The following PARD3 variants were observed in gnomAD, a reference collection of about 807,000 sequenced individuals.
PARD3 encodes the protein par-3 family cell polarity regulator, also known as partitioning defective 3 homolog.
PARD3 carries 75 observed loss-of-function variants against 155.4 expected under a neutral mutation model. The ratio of observed to expected loss-of-function variants is 0.48; its 90% CI spans 0.40 to 0.58. The LOEUF is 0.58. Among genes scored for constraint, PARD3 ranks in the 20% least tolerant of loss-of-function variants. The pLI, the probability that PARD3 is intolerant of heterozygous loss-of-function variation, is 0.00. For synonymous variants in PARD3, 576 were observed against 610.5 expected, an observed-to-expected ratio of 0.94 and a Z score of 0.83; for missense variants, 1,642 against 1,721.7, an observed-to-expected ratio of 0.95 and a Z score of 0.82.
chr10:34,468,139 T>G (rs1002048096), intron 4 of PARD3, among the ~76,000 whole-genome samples: 1 of 152,152 alleles, frequency 6.6e-6, no homozygotes, highest in Non-Finnish European at 1.5e-5. Flanking sequence ...CAGCACCTCC[T>G]TCACCACGAA....
At chr10:34,112,430 G>A (rs907762089) in intron 24 of PARD3, among the ~76,000 whole-genome samples, 1 of 152,104 alleles carries the variant, frequency 6.6e-6, no homozygotes, top group Non-Finnish European at 1.5e-5. Flanking sequence ...TCTCTAGATG[G>A]TTTTATGAAT....
At chr10:34,398,884 TA>T (rs951460003) in intron 7 of PARD3, among the ~76,000 whole-genome samples, 16 of 152,182 alleles carry the variant, frequency 1.1e-4, no homozygotes, top group African/African-American at 2.9e-4. Flanking sequence ...TTTTTAACAA[TA>T]AAAAAACTCA....
chr10:34,625,976 A>G (rs752174467), intron 2 of PARD3, among the ~76,000 whole-genome samples: 4 of 152,216 alleles, frequency 2.6e-5, no homozygotes, highest in Non-Finnish European at 4.4e-5. Context: ...CAGGTTCTTA[A>G]GTCTAACTCA....
chr10:34,422,752 A>G (rs1217862215), intron 5 of PARD3, among the ~76,000 whole-genome samples: 5 of 152,230 alleles, frequency 3.3e-5, no homozygotes, highest in African/African-American at 1.2e-4. Flanking sequence ...TCCACCTGTT[A>G]CAATGGCTAC....
At chr10:34,127,794 T>C (rs533150694) in intron 23 of PARD3, among the ~76,000 whole-genome samples, 27 of 152,246 alleles carry the variant, frequency 1.8e-4, no homozygotes, top group African/African-American at 2.9e-4. Flanking sequence ...CTTGACACCA[T>C]GCTCATTACT....
intron 2 of PARD3, among the ~76,000 whole-genome samples, chr10:34,649,081 T>C (rs767491358): frequency 2.0e-5 from 3 of 152,168 alleles, no homozygotes; most frequent in Admixed American, 6.5e-5. Context: ...ACTGTACAAG[T>C]AGCCAGTAAA....
At chr10:34,451,153 C>T (rs1482557977) in intron 4 of PARD3, among the ~76,000 whole-genome samples, 1 of 152,132 alleles carries the variant, frequency 6.6e-6, no homozygotes. Context: ...CCAAATGCTA[C>T]GTGATATTTC....
intron 19 of PARD3, among the ~76,000 whole-genome samples, chr10:34,320,091 G>T (rs1436558361): frequency 6.6e-6 from 1 of 152,108 alleles, no homozygotes; most frequent in Non-Finnish European, 1.5e-5. Context: ...AAGACTGTGG[G>T]GCAAACAGCA....
intron 22 of PARD3, among the ~76,000 whole-genome samples, chr10:34,156,812 T>A (rs111731118): frequency 7.2e-4 from 77 of 106,590 alleles, no homozygotes; most frequent in Non-Finnish European, 1.2e-3. Context: ...ATTCCTTGTA[T>A]CTTTGGTTTA....
At chr10:34,366,905 T>C (rs1305455712) in intron 12 of PARD3, among the ~76,000 whole-genome samples, 3 of 152,218 alleles carry the variant, frequency 2.0e-5, no homozygotes, top group African/African-American at 7.2e-5. Flanking sequence ...GTTGATATTA[T>C]AAAGTTCATT....
At chr10:34,355,924 C>CAAAAAAAAAAAAAAAAAAAAAAAAAAAAA (rs869284165) in intron 14 of PARD3, among the ~76,000 whole-genome samples, 4 of 42,724 alleles carry the variant, frequency 9.4e-5, no homozygotes, top group Non-Finnish European at 1.7e-4. Context: ...CACTCCGTCT[C>CAAAAAAAAAAAAAAAAAAAAAAAAAAAAA]AAAAAAAAAA....
chr10:34,397,748 T>C (rs547464851), intron 7 of PARD3, among the ~76,000 whole-genome samples: 1 of 152,356 alleles, frequency 6.6e-6, no homozygotes, highest in South Asian at 2.1e-4. Context: ...TAGTAACATG[T>C]AATTGAAATG....
At chr10:34,570,496 T>C (rs2086304442) in intron 2 of PARD3, among the ~76,000 whole-genome samples, 1 of 152,190 alleles carries the variant, frequency 6.6e-6, no homozygotes, top group Non-Finnish European at 1.5e-5. Flanking sequence ...TTTACCCTAA[T>C]GCTGCAGTGA....
intron 1 of PARD3, among the ~76,000 whole-genome samples, chr10:34,732,355 T>C (rs979332469): frequency 2.6e-5 from 4 of 152,126 alleles, no homozygotes; most frequent in African/African-American, 7.2e-5. Context: ...CCCCCACCCA[T>C]ACAAATTGTC....
Position 34,517,172 on chromosome 10 carries a change from G to A in PARD3, c.223-13C>T. ...ACACTGCTACCAGCTAGAAATGAAA[G>A]GTAAATGTGCACTTATAAATAAAGG... On this transcript the variant is annotated splice_polypyrimidine_tract_variant and intron_variant, in intron 2 of 24. Coordinates refer to ENST00000374788, the MANE Select transcript of PARD3 (RefSeq NM_001184785.2). 6.2e-7 allele frequency: 1 copy of A among 1,610,212 alleles called. No individual in the cohort carries two copies. The highest frequency in any genetic ancestry group is 8.5e-7 in the Non-Finnish European group (1 of 1,177,920).
intron 2 of PARD3, among the ~76,000 whole-genome samples, chr10:34,602,330 A>C (rs2089859351): frequency 6.6e-6 from 1 of 152,226 alleles, no homozygotes; most frequent in South Asian, 2.1e-4. Context: ...AGAATTAAAT[A>C]TTGTAGATCC....
chr10:34,628,601 G>A (rs975384118), intron 2 of PARD3, among the ~76,000 whole-genome samples: 8 of 152,246 alleles, frequency 5.3e-5, no homozygotes, highest in African/African-American at 1.9e-4. Flanking sequence ...AGCCGTTGGG[G>A]AGATAAGGCA....
intron 3 of PARD3, among the ~76,000 whole-genome samples, chr10:34,475,780 T>C (rs1340766829): frequency 6.6e-6 from 1 of 152,230 alleles, no homozygotes; most frequent in Non-Finnish European, 1.5e-5. Flanking sequence ...AACCTAATTT[T>C]ACCTAGAAAG....
chr10:34,578,784 C>G (rs1156370545), intron 2 of PARD3, among the ~76,000 whole-genome samples: 1 of 152,186 alleles, frequency 6.6e-6, no homozygotes, highest in Non-Finnish European at 1.5e-5. Flanking sequence ...ACCTACTTGT[C>G]TAACAGTGAG....
Sources: gnomAD v4.1 joint callset for allele counts (sites outside exome capture counted in the v4.1 genomes callset) on GRCh38, gnomAD v4.1.1 for gene constraint, MANE v1.5 for transcripts, NCBI Gene and HGNC (gene_info 2026-07-23, HGNC 2026-07-21) for gene names.